The following YTHDC1 variants were observed in gnomAD, a reference collection of about 807,000 sequenced individuals.
YTHDC1 encodes the protein YTH N6-methyladenosine RNA binding protein C1, also known as YTH domain-containing protein 1.
Under a neutral mutation model 107.0 loss-of-function variants are expected in YTHDC1, and 12 were observed. The ratio of observed to expected loss-of-function variants is 0.11; its 90% CI spans 0.07 to 0.18. The LOEUF is 0.18. YTHDC1 is among the 10% of genes least tolerant of loss of function. YTHDC1 has a pLI of 1.00. For synonymous variants in YTHDC1, 280 were observed against 289.5 expected (o/e 0.97, Z 0.33); for missense variants, 635 against 898.8 (o/e 0.71, Z 3.75).
intron 1 of YTHDC1, among the ~76,000 whole-genome samples, chr4:68,346,665 G>GT (rs1725479345): frequency 6.6e-6 from 1 of 152,112 alleles, no homozygotes; most frequent in African/African-American, 2.4e-5. Context: ...ACTGTCTCGG[G>GT]TAGTAGATCA....
In YTHDC1 at chr4:68,322,739, C is replaced by T. The variant is rs550334812; in HGVS notation, c.1601+10G>A. 8.1e-6 allele frequency: 13 copies of T among 1,613,194 alleles called. No individual in the cohort carries two copies. Among genetic ancestry groups the T allele is most frequent in the African/African-American group, 6.7e-5 (5 of 74,888 alleles). ...ATGTGCCTATTATCAGTCCAAAGAA[C>T]GTTTCTAACCTTCCCACATCCCGGA... is the stretch of plus-strand genomic sequence containing the variant. On this transcript the variant is annotated intron_variant, in intron 11 of 16. Coordinates refer to ENST00000344157, the MANE Select transcript of YTHDC1 (RefSeq NM_001031732.4). The surrounding 1 kb of genome is among the most constrained non-coding windows in gnomAD (Gnocchi z 4.8).
At chr4:68,338,001 G>C (rs1230349873) in intron 2 of YTHDC1, 101 bp from the exon 3 acceptor site, 2 of 1,477,402 alleles carry the variant, frequency 1.4e-6, no homozygotes, top group South Asian at 2.8e-5. Flanking sequence ...AGGGGGGATA[G>C]GCCTCATTTC....
At chr4:68,320,239 A>C (rs1337652343) in intron 11 of YTHDC1, 34 bp from the exon 12 acceptor site, 1 of 1,507,128 alleles carries the variant, frequency 6.6e-7, no homozygotes, top group Admixed American at 2.0e-5. Context: ...AATTAAACCA[A>C]AAACTGCTGG....
chr4:68,342,518 C>T (rs1164156859), intron 1 of YTHDC1, among the ~76,000 whole-genome samples: 1 of 152,148 alleles, frequency 6.6e-6, no homozygotes, highest in Admixed American at 6.5e-5. Context: ...ACAGAAGTGT[C>T]ATACATAATA....
intron 1 of YTHDC1, among the ~76,000 whole-genome samples, chr4:68,338,824 T>C (rs1444124939): frequency 6.6e-6 from 1 of 152,196 alleles, no homozygotes. Context: ...CATTCCAGCC[T>C]GGGCGATAAG....
intron 7 of YTHDC1, 143 bp from the exon 8 acceptor site, chr4:68,330,453 G>T: frequency 1.9e-6 from 1 of 512,946 alleles, no homozygotes; most frequent in Non-Finnish European, 3.3e-6. Flanking sequence ...TTTATCAGCT[G>T]TCAGAATAAC....
chr4:68,313,985 A>C lies in YTHDC1; in HGVS notation c.*114T>G. Reference sequence around the variant, plus strand: ...AGGGGGTCATAATAAATCCTTCTACACAATGAACTTCATAGGCAGACAGCT... The same window carrying C: ...AGGGGGTCATAATAAATCCTTCTACCCAATGAACTTCATAGGCAGACAGCT... On this transcript the variant is annotated 3_prime_UTR_variant, in exon 17 of 17. Coordinates refer to ENST00000344157, the MANE Select transcript of YTHDC1 (RefSeq NM_001031732.4). The C allele has an allele frequency of 9.1e-7, 1 of 1,093,698 alleles. No individual in the cohort carries two copies. Among genetic ancestry groups the C allele is most frequent in the Non-Finnish European group, 1.3e-6 (1 of 746,118 alleles). The allele number at this position is 1,093,698 out of a possible 1,614,324, so 67.7% of individuals were successfully genotyped here.
At position 68,350,067 on chromosome 4, in the gene YTHDC1, G is replaced by A. The variant is rs1442527190; in HGVS notation, c.-314C>T. On this transcript the variant is annotated 5_prime_UTR_variant, in exon 1 of 17. Coordinates refer to ENST00000344157, the MANE Select transcript of YTHDC1 (RefSeq NM_001031732.4). ...CGCTAAAATGGAGCCTGCTTCCTGC[G>A]CGAAACAATCCCGCTCCCGAAATGC... 1 of 511,658 alleles carries A rather than the reference G, an allele frequency of 2.0e-6. No homozygotes were observed. Among genetic ancestry groups the A allele is most frequent in the Non-Finnish European group, 3.5e-6 (1 of 285,632 alleles). 31.7% of individuals were successfully genotyped at this position (511,658 alleles called of 1,614,324 possible).
intron 1 of YTHDC1, among the ~76,000 whole-genome samples, chr4:68,341,564 GTTT>G (rs1724804141): frequency 6.6e-6 from 1 of 150,518 alleles, no homozygotes; most frequent in African/African-American, 2.4e-5. Context: ...TGGTTTTTAC[GTTT>G]TTAAGGCGCT....
In YTHDC1 at chr4:68,333,339, T is replaced by C; in HGVS notation, c.942A>G (p.Arg314=). 6.2e-7 allele frequency: 1 copy of C among 1,613,158 alleles called. No homozygotes were observed. Residue 314 remains arginine (R), a synonymous_variant, in exon 5 of 17, where the codon AGA becomes AGG. Transcript: ENST00000344157. ...ARGISPIVFD[R]SGSSASESYA... Reference sequence around the variant, plus strand: ...ATGACTCTGATGCAGAGCTTCCACTTCTATCAAAAACAATTGGAGATATGC... The same window carrying C: ...ATGACTCTGATGCAGAGCTTCCACTCCTATCAAAAACAATTGGAGATATGC...
chr4:68,338,405 T>C, intron 1 of YTHDC1, 21 bp from the exon 2 acceptor site: 1 of 1,551,112 alleles, frequency 6.4e-7, no homozygotes, highest in Non-Finnish European at 8.8e-7. Flanking sequence ...AATTAAAAAT[T>C]AATAGGGAAA....
Position 68,345,845 on chromosome 4 carries a change from C to G in YTHDC1, c.28+3881G>C, listed in dbSNP as rs547345682. ...TGATGTTCAGATACACAAATATTTC[C>G]CATTGTGTTACTACTGCCTACAGTA... On this transcript the variant is annotated intron_variant, in intron 1 of 16. Transcript: ENST00000344157. Among the ~76,000 whole-genome samples, 350 of 151,948 alleles carry G rather than the reference C, an allele frequency of 2.3e-3. 2 individuals carry two copies. Among genetic ancestry groups the G allele is most frequent in the African/African-American group, 6.8e-3 (283 of 41,424 alleles).
chr4:68,335,155 A>G (rs1207347114), intron 4 of YTHDC1, among the ~76,000 whole-genome samples: 5 of 152,158 alleles, frequency 3.3e-5, no homozygotes, highest in African/African-American at 9.7e-5. Flanking sequence ...AAATTCTGAG[A>G]ATAAGGTAAA....
At chr4:68,336,353 C>A (rs1004965179) in intron 4 of YTHDC1, among the ~76,000 whole-genome samples, 1 of 152,002 alleles carries the variant, frequency 6.6e-6, no homozygotes, top group Non-Finnish European at 1.5e-5. Context: ...AAGCCTAGTG[C>A]CTCCAACTAC....
At chr4:68,323,969 G>C (rs568808128) in intron 10 of YTHDC1, among the ~76,000 whole-genome samples, 170 bp downstream of exon 10, 1 of 152,270 alleles carries the variant, frequency 6.6e-6, no homozygotes, top group African/African-American at 2.4e-5. Context: ...AACATTAATG[G>C]ATGTCTTATT....
chr4:68,336,738 T>C (rs553382518), intron 4 of YTHDC1, among the ~76,000 whole-genome samples: 3 of 152,298 alleles, frequency 2.0e-5, no homozygotes, highest in African/African-American at 7.2e-5. Context: ...GGTATGAAAA[T>C]CTAAGAATTT....
chr4:68,315,402 G>A (rs1232716660), intron 16 of YTHDC1, among the ~76,000 whole-genome samples: 1 of 152,012 alleles, frequency 6.6e-6, no homozygotes, highest in Non-Finnish European at 1.5e-5. Flanking sequence ...TCACAAATAG[G>A]CCCACTCTTC....
intron 9 of YTHDC1, among the ~76,000 whole-genome samples, chr4:68,325,803 T>A (rs1722930484): frequency 1.3e-5 from 2 of 152,138 alleles, no homozygotes; most frequent in African/African-American, 4.8e-5. Context: ...ATGGAGGTGA[T>A]ATATATATAC....
intron 1 of YTHDC1, among the ~76,000 whole-genome samples, chr4:68,342,258 T>C (rs1039053046): frequency 6.6e-6 from 1 of 152,234 alleles, no homozygotes; most frequent in South Asian, 2.1e-4. Flanking sequence ...GGCTTGTTCA[T>C]TGACAAGTCT....
Sources: allele counts gnomAD v4.1 joint callset (sites outside exome capture counted in the v4.1 genomes callset), GRCh38; gene constraint gnomAD v4.1.1; non-coding constraint Gnocchi (gnomAD v3.1); transcripts MANE v1.5; gene names NCBI Gene and HGNC (gene_info 2026-07-23, HGNC 2026-07-21).